SYNE2: variants seen among roughly 807,000 people sequenced by gnomAD.
The protein encoded by SYNE2 is spectrin repeat containing nuclear envelope protein 2.
SYNE2 carries 431 observed loss-of-function variants against 856.3 expected under a neutral mutation model. The observed-to-expected ratio is 0.50, with a 90% CI of 0.47 to 0.55. The LOEUF (loss-of-function observed/expected upper bound fraction) is 0.55, where lower values mean the gene tolerates loss of function less well. SYNE2 is among the 20% of genes least tolerant of loss of function. The pLI, the probability that SYNE2 is intolerant of heterozygous loss-of-function variation, is 0.00. For synonymous variants in SYNE2, 2,923 were observed against 2,872.3 expected (o/e 1.02, Z -0.56); for missense variants, 8,129 against 8,023.2 (o/e 1.01, Z -0.50).
In SYNE2 at chr14:63,833,755, G is replaced by C. The variant is rs576860171; in HGVS notation, c.-304-18746G>C. Among the ~76,000 whole-genome samples the C allele has an allele frequency of 4.2e-3, 643 of 152,126 alleles. 1 individual carries two copies. Among genetic ancestry groups the C allele is most frequent in the Non-Finnish European group, 7.5e-3 (508 of 67,988 alleles). ...ATATTTCTAAAACTTAATAATTTTT[G>C]CAATATCATGCTAACTGTGCGATTA... On this transcript the variant is annotated intron_variant, in intron 1 of 23. Transcript: ENST00000674003.
chr14:64,184,752 A>G (rs1320307161), intron 96 of SYNE2, among the ~76,000 whole-genome samples: 1 of 152,220 alleles, frequency 6.6e-6, no homozygotes, highest in African/African-American at 2.4e-5. Context: ...GTAGGTAATA[A>G]AAATGTTAAA....
Position 64,212,992 on chromosome 14 carries a change from C to A in SYNE2, c.19043C>A (p.Thr6348Asn). The A allele has an allele frequency of 2.5e-6, 4 of 1,613,520 alleles. No individual in the cohort carries two copies. The highest frequency in any genetic ancestry group is 3.4e-6 in the Non-Finnish European group (4 of 1,179,974). Residue 6348 changes from threonine to asparagine, a missense_variant, in exon 105 of 116, where the codon ACC (threonine) becomes AAC (asparagine). Physicochemically the swap from Thr to Asn is moderately conservative, Grantham distance 65 (BLOSUM62 0). Around this residue, in one of 3 missense-constraint regions of SYNE2, gnomAD observed 5,410 missense variants for 5,284.8 expected, o/e 1.02. Transcript: ENST00000555002. ...GTCTCCCGGTTCCACCGGCGGCTCA[C>A]CTCCTGCACTCCGGTACGGGCACTG... ...GRVSRFHRRL[T>N]SCTPGLEDEK...
At chr14:64,012,624 C>G (rs1363735064) in intron 32 of SYNE2, among the ~76,000 whole-genome samples, 2 of 152,178 alleles carry the variant, frequency 1.3e-5, no homozygotes. Flanking sequence ...TAAGAAGCAA[C>G]AGTCCCAGCT....
chr14:63,977,274 G>A (rs1448738839), intron 12 of SYNE2, among the ~76,000 whole-genome samples: 1 of 151,876 alleles, frequency 6.6e-6, no homozygotes, highest in Admixed American at 6.6e-5. Context: ...GTGCAGTGGC[G>A]CGATCTTGGC....
At chr14:63,881,099 C>T (rs983929998) in intron 1 of SYNE2, among the ~76,000 whole-genome samples, 5 of 151,780 alleles carry the variant, frequency 3.3e-5, no homozygotes, top group African/African-American at 9.7e-5. Flanking sequence ...CTGCCCGCCT[C>T]GGCCTCCCAA....
Position 64,165,273 on chromosome 14 carries a change from C to G in SYNE2, c.16480-12C>G. 6.2e-7 allele frequency: 1 copy of G among 1,612,856 alleles called. No homozygotes were observed. The highest frequency in any genetic ancestry group is 8.5e-7 in the Non-Finnish European group (1 of 1,179,018). ...TGAAAATAGTTTCTAATGAAAATTTCTCTTGTTCTAGTTTGTTCTCTCACA... is the reference window on the plus strand; with the variant it reads ...TGAAAATAGTTTCTAATGAAAATTTGTCTTGTTCTAGTTTGTTCTCTCACA... On this transcript the variant is annotated splice_polypyrimidine_tract_variant and intron_variant, in intron 89 of 115. Transcript: ENST00000555002.
chr14:64,171,906 AGTGTTGCG>A (rs2098412978), intron 94 of SYNE2, among the ~76,000 whole-genome samples: 1 of 152,138 alleles, frequency 6.6e-6, no homozygotes, highest in African/African-American at 2.4e-5. Flanking sequence ...GCTGGAGTGC[AGTGTTGCG>A]ATCTTGGCTC....
At chr14:64,182,123 G>A (rs571986137) in intron 96 of SYNE2, among the ~76,000 whole-genome samples, 2 of 152,112 alleles carry the variant, frequency 1.3e-5, no homozygotes, top group Non-Finnish European at 2.9e-5. Context: ...AGTTCCACTG[G>A]TAATTGAGTC....
intron 1 of SYNE2, among the ~76,000 whole-genome samples, chr14:63,883,384 G>A (rs1305446202): frequency 2.0e-5 from 3 of 151,610 alleles, no homozygotes; most frequent in Non-Finnish European, 4.4e-5. Flanking sequence ...TAAAGTCAGG[G>A]TCTCGCTCTG....
chr14:64,105,349 T>A (rs1480155640), intron 64 of SYNE2, among the ~76,000 whole-genome samples: 1 of 152,220 alleles, frequency 6.6e-6, no homozygotes, highest in African/African-American at 2.4e-5. Context: ...CCGCCTACCT[T>A]TCTAATTTTA....
At chr14:64,071,419 A>G (rs960552042) in intron 52 of SYNE2, among the ~76,000 whole-genome samples, 65 of 152,194 alleles carry the variant, frequency 4.3e-4, no homozygotes, top group Middle Eastern at 6.8e-3. Context: ...GCGTGAACCC[A>G]GAAGGCAGAG....
At chr14:64,222,891 G>A (rs1372870080) in intron 112 of SYNE2, among the ~76,000 whole-genome samples, 4 of 152,112 alleles carry the variant, frequency 2.6e-5, no homozygotes, top group South Asian at 4.1e-4. Context: ...CTTCCGTGGT[G>A]GATGAGGGAC....
chr14:64,002,385 G>T (rs1032942810), intron 29 of SYNE2, among the ~76,000 whole-genome samples: 1 of 152,064 alleles, frequency 6.6e-6, no homozygotes, highest in Non-Finnish European at 1.5e-5. Context: ...CTTAAATGCC[G>T]TATTCTACCG....
chr14:64,061,359 A>C (rs2097315519), intron 49 of SYNE2, among the ~76,000 whole-genome samples: 1 of 152,202 alleles, frequency 6.6e-6, no homozygotes, highest in Non-Finnish European at 1.5e-5. Context: ...ACTTGGGAAA[A>C]TTTTTAAGTG....
chr14:64,108,237 A>C (rs1289973720), intron 65 of SYNE2, among the ~76,000 whole-genome samples: 2 of 152,180 alleles, frequency 1.3e-5, no homozygotes, highest in Non-Finnish European at 2.9e-5. Context: ...CTGTAATCCC[A>C]ACTACTCAAG....
At chr14:64,116,721 C>A (rs553924746) in intron 66 of SYNE2, among the ~76,000 whole-genome samples, 13 of 152,214 alleles carry the variant, frequency 8.5e-5, no homozygotes, top group African/African-American at 3.1e-4. Flanking sequence ...CGGCCAGTAC[C>A]ATTACTTTTA....
chr14:63,809,692 G>T (rs1235874397), intron 1 of SYNE2, among the ~76,000 whole-genome samples: 1 of 151,934 alleles, frequency 6.6e-6, no homozygotes, highest in Non-Finnish European at 1.5e-5. Context: ...GGAGAGATAG[G>T]GTCTCTCTAT....
chr14:64,209,016 C>G (rs1324063942), intron 101 of SYNE2, 71 bp downstream of exon 101: 1 of 1,535,512 alleles, frequency 6.5e-7, no homozygotes, highest in Non-Finnish European at 8.9e-7. Flanking sequence ...TGACCTCATT[C>G]ACAGTAACTA....
chr14:64,015,313 A>G (rs1188896590), intron 32 of SYNE2, among the ~76,000 whole-genome samples: 1 of 151,944 alleles, frequency 6.6e-6, no homozygotes, highest in Non-Finnish European at 1.5e-5. Flanking sequence ...TAGTGAAACC[A>G]TCTGGACCTG....
Sources: allele counts gnomAD v4.1 joint callset (sites outside exome capture counted in the v4.1 genomes callset), GRCh38; gene constraint gnomAD v4.1.1; regional missense constraint gnomAD v4.1.1; transcripts MANE v1.5; gene names NCBI Gene and HGNC (gene_info 2026-07-23, HGNC 2026-07-21).